Variants in ALK observed in about 807,000 individuals in gnomAD.
The protein encoded by ALK is ALK tyrosine kinase receptor.
ALK carries 74 observed loss-of-function variants against 163.1 expected under a neutral mutation model. That is an observed-to-expected ratio of 0.45 (90% CI 0.38 to 0.55). ALK has a LOEUF of 0.55. Among genes scored for constraint, ALK ranks in the 20% least tolerant of loss-of-function variants. The pLI, the probability that ALK is intolerant of heterozygous loss-of-function variation, is 0.00. For missense variants in ALK, 2,063 were observed against 2,105.3 expected (o/e 0.98, Z 0.39); for synonymous variants, 960 against 843.2 (o/e 1.14, Z -2.40).
intron 1 of ALK, among the ~76,000 whole-genome samples, chr2:29,851,399 T>C (rs1665988224): frequency 6.6e-6 from 1 of 152,200 alleles, no homozygotes; most frequent in Non-Finnish European, 1.5e-5. Flanking sequence ...GATGAAGCTG[T>C]CTCTTGCGCC....
chr2:29,589,667 A>C (rs114947415), intron 3 of ALK, among the ~76,000 whole-genome samples: 1 of 152,078 alleles, frequency 6.6e-6, no homozygotes, highest in Non-Finnish European at 1.5e-5. Context: ...TCATTGGCTA[A>C]CTCCACTGCT....
At chr2:29,662,585 C>G (rs1677382586) in intron 3 of ALK, among the ~76,000 whole-genome samples, 1 of 152,140 alleles carries the variant, frequency 6.6e-6, no homozygotes, top group African/African-American at 2.4e-5. Context: ...TAAACAACCT[C>G]AAGGTGATCA....
intron 1 of ALK, among the ~76,000 whole-genome samples, chr2:29,814,734 C>A (rs548347867): frequency 6.6e-6 from 1 of 152,016 alleles, no homozygotes; most frequent in Non-Finnish European, 1.5e-5. Context: ...GTCTGCTTTA[C>A]TAGTTGCATG....
At chr2:29,319,285 A>G (rs1255582016) in intron 7 of ALK, 1 of 152,246 alleles carries the variant, frequency 6.6e-6, no homozygotes, top group African/African-American at 2.4e-5. Context: ...TTAGGGGGCC[A>G]CAGAACCCCA....
At chr2:29,295,333 G>GA (rs140799972) in intron 9 of ALK, among the ~76,000 whole-genome samples, 17 of 151,740 alleles carry the variant, frequency 1.1e-4, no homozygotes, top group African/African-American at 1.7e-4. Context: ...GGATTGAGGA[G>GA]AAAAAAAACA....
In ALK at chr2:29,857,174, A is replaced by C. The variant is rs1666162543; in HGVS notation, c.667+62819T>G. Among the ~76,000 whole-genome samples, 2 of 152,188 alleles carry C rather than the reference A, an allele frequency of 1.3e-5. 1 individual carries two copies. The highest frequency in any genetic ancestry group is 4.1e-4 in the South Asian group (2 of 4,828). On this transcript the variant is annotated intron_variant, in intron 1 of 28. Coordinates refer to ENST00000389048, the MANE Select transcript of ALK (RefSeq NM_004304.5). ...CTTTCAGATTTGGCAGGTGACACTA[A>C]GTTTTTTTAGTATAAAATTGGGAGG...
intron 1 of ALK, among the ~76,000 whole-genome samples, chr2:29,731,500 C>T (rs991024326): frequency 6.6e-6 from 1 of 152,206 alleles, no homozygotes; most frequent in South Asian, 2.1e-4. Flanking sequence ...CTTCCCAAGA[C>T]TTCCTGGGTC....
chr2:29,239,496 G>A (rs1332056426), intron 13 of ALK, among the ~76,000 whole-genome samples, 184 bp downstream of exon 13: 5 of 152,116 alleles, frequency 3.3e-5, no homozygotes, highest in Non-Finnish European at 7.4e-5. Flanking sequence ...CCTCCCCCTA[G>A]CACAGGCAAG....
chr2:29,699,215 C>A (rs922450776), intron 2 of ALK, among the ~76,000 whole-genome samples: 5 of 152,124 alleles, frequency 3.3e-5, no homozygotes, highest in Non-Finnish European at 1.5e-5. Flanking sequence ...TCCACACCCA[C>A]CCAGGGGCAG....
chr2:29,220,797 A>G lies in ALK; in HGVS notation c.3554T>C (p.Val1185Ala). Residue 1185 changes from valine to alanine, a missense_variant, in exon 23 of 29, where the codon GTG (valine) becomes GCG (alanine). Physicochemically the swap from Val to Ala is moderately conservative, Grantham distance 64. This residue lies in a region of ALK where 575 missense variants were observed against 626.6 expected (regional missense o/e 0.92). Coordinates refer to ENST00000389048, the MANE Select transcript of ALK (RefSeq NM_004304.5). ...NHQNIVRCIGVSLQSLPRFIL... is the reference protein window; with the variant it reads ...NHQNIVRCIGASLQSLPRFIL... ...GAACCGGGGCAGGGATTGCAGGCTC[A>G]CCCCAATGCAGCGAACAATGTTCTG... 1 of 1,614,052 alleles carries G rather than the reference A, an allele frequency of 6.2e-7. No individual in the cohort carries two copies. Among genetic ancestry groups the G allele is most frequent in the Non-Finnish European group, 8.5e-7 (1 of 1,179,958 alleles).
chr2:29,838,082 G>T (rs1665607107), intron 1 of ALK, among the ~76,000 whole-genome samples: 1 of 152,180 alleles, frequency 6.6e-6, no homozygotes, highest in East Asian at 1.9e-4. Context: ...AAAATGAAAA[G>T]TTCACTGGAT....
In ALK at chr2:29,227,622, C is replaced by T. The variant is rs769837053; in HGVS notation, c.2866G>A (p.Val956Ile). 3.7e-6 allele frequency: 6 copies of T among 1,614,076 alleles called. No homozygotes were observed. The highest frequency in any genetic ancestry group is 3.3e-5 in the South Asian group (3 of 91,078). The change falls in exon 17 of 29, where the codon GTT becomes ATT. Residue 956 changes from valine (V) to isoleucine (I), a missense_variant. By Grantham distance (29) the Val-to-Ile change is conservative. Coordinates refer to ENST00000389048, the MANE Select transcript of ALK (RefSeq NM_004304.5). This position sits in a 1 kb window ranked among gnomAD's most constrained non-coding sequence, Gnocchi z 4.4. ...NDPEMDGEDG[V>I]SFISPLGILY... ...ATGCCCAGTGGACTGATGAAGGAAA[C>T]CCCATCTTCCCCATCCATTTCGGGG...
chr2:29,544,511 C>A (rs952451653), intron 3 of ALK, among the ~76,000 whole-genome samples: 7 of 152,094 alleles, frequency 4.6e-5, no homozygotes, highest in African/African-American at 1.7e-4. Flanking sequence ...CTTTGGATAC[C>A]CTCCTCTAAT....
chr2:29,669,883 TA>T (rs201606104), intron 3 of ALK, among the ~76,000 whole-genome samples: 5,454 of 149,032 alleles, frequency 0.037, 134 homozygotes, highest in Middle Eastern at 0.066. Context: ...AAAAAAAAAC[TA>T]AAAAAAAAAT....
At chr2:29,805,998 G>A (rs1010552305) in intron 1 of ALK, among the ~76,000 whole-genome samples, 6 of 152,220 alleles carry the variant, frequency 3.9e-5, no homozygotes, top group African/African-American at 9.6e-5. Context: ...ACATGTGAGT[G>A]AGGAGGTGAA....
intron 4 of ALK, among the ~76,000 whole-genome samples, chr2:29,496,774 C>T (rs1400776891): frequency 6.6e-6 from 1 of 152,204 alleles, no homozygotes; most frequent in African/African-American, 2.4e-5. Context: ...CACCATGGCT[C>T]CCTTCCTCAA....
intron 18 of ALK, among the ~76,000 whole-genome samples, chr2:29,226,440 T>A (rs1663995098): frequency 7.3e-6 from 1 of 136,832 alleles, no homozygotes; most frequent in Non-Finnish European, 1.5e-5. Context: ...ACCACACCAT[T>A]GCATTCCAGC....
At chr2:29,705,531 A>G (rs1359117917) in intron 2 of ALK, among the ~76,000 whole-genome samples, 3 of 151,670 alleles carry the variant, frequency 2.0e-5, no homozygotes, top group Admixed American at 1.3e-4. Flanking sequence ...CCTATTTTAT[A>G]TCAACCTCTC....
intron 1 of ALK, among the ~76,000 whole-genome samples, chr2:29,791,534 G>A (rs973100299): frequency 2.0e-5 from 3 of 152,114 alleles, no homozygotes; most frequent in African/African-American, 4.8e-5. Flanking sequence ...TGTAGATGAC[G>A]AGTTGATGGG....
Sources: gnomAD v4.1 joint callset for allele counts (sites outside exome capture counted in the v4.1 genomes callset) on GRCh38, gnomAD v4.1.1 for gene constraint, gnomAD v4.1.1 regional missense constraint, Gnocchi (gnomAD v3.1) non-coding constraint, MANE v1.5 for transcripts, NCBI Gene and HGNC (gene_info 2026-07-23, HGNC 2026-07-21) for gene names.